The following MRPL36 variants were observed in gnomAD, a reference collection of about 807,000 sequenced individuals.
The protein encoded by MRPL36 is mitochondrial ribosomal protein L36, also known as large ribosomal subunit protein bL36m.
A neutral mutation model predicts 2.8 loss-of-function variants in MRPL36; 1 was observed. The observed-to-expected ratio is 0.36, with a 90% confidence interval of 0.13 to 1.69. MRPL36 has a LOEUF of 1.69. Ranked by LOEUF, MRPL36 falls within the 40% of genes most tolerant of loss-of-function variation. The pLI is 0.35. For synonymous variants in MRPL36, 68 were observed against 54.8 expected (o/e 1.24, Z -1.06); for missense variants, 148 against 132.7 (o/e 1.12, Z -0.57).
chr5:1,801,153 G>A (rs567184298), upstream of MRPL36, among the ~76,000 whole-genome samples: 6 of 152,342 alleles, frequency 3.9e-5, no homozygotes, highest in East Asian at 1.2e-3. Flanking sequence ...CGGCGCAACG[G>A]GGCCGCTTAA....
rs200124250 is a variant in MRPL36 at position 1,798,899 on chromosome 5, G to C, written c.37C>G (p.Leu13Val). The C allele has an allele frequency of 5.8e-4, 929 of 1,605,368 alleles. 8 individuals carry two copies. In the South Asian group the frequency reaches 9.6e-3, roughly 17 times the overall value. ...NLFIRKMVNP[L>V]LYLSRHTVKP... ...ACCGTGTGACGACTGAGATAGAGCA[G>C]AGGGTTCACCATTTTCCTTATAAAA... Residue 13 changes from leucine (L) to valine (V), a missense_variant, in exon 2 of 2, where the codon CTG becomes GTG. By Grantham distance (32) the Leu-to-Val change is conservative. Coordinates refer to ENST00000505059, the MANE Select transcript of MRPL36 (RefSeq NM_032479.4).
At position 1,799,800 on chromosome 5, in the gene MRPL36, A is replaced by G. The variant is rs997189642; in HGVS notation, c.-21T>C. 1.3e-4 allele frequency: 20 copies of G among 151,436 alleles called. 1 individual carries two copies. The highest frequency in any genetic ancestry group is 2.8e-4 in the Non-Finnish European group (19 of 68,028). 9.4% of individuals were successfully genotyped at this position (151,436 alleles called of 1,614,324 possible). A position where few individuals can be genotyped will look rare whatever the true frequency, so the allele number is the denominator to read the frequency against. ...GAAGACGGCTCCCTTACCCGGCCGC[A>G]CGCTCTCACCCGGCGCCGACCCCTG... On this transcript the variant is annotated 5_prime_UTR_variant, in exon 1 of 2. Coordinates refer to ENST00000505059, the MANE Select transcript of MRPL36 (RefSeq NM_032479.4).
chr5:1,799,060 T>TGAG (rs1733940597), intron 1 of MRPL36, 113 bp from the exon 2 acceptor site: 1 of 805,404 alleles, frequency 1.2e-6, no homozygotes, highest in East Asian at 2.6e-5. Flanking sequence ...CCTCGGGGAC[T>TGAG]GAGGGTGTTC....
chr5:1,799,644 A>C (rs6895439), intron 1 of MRPL36, 148 bp downstream of exon 1: 13,088 of 151,152 alleles, frequency 0.087, 1,256 homozygotes, highest in African/African-American at 0.24. Flanking sequence ...TGGCCCTCTG[A>C]GACCGCCAGG....
chr5:1,798,391 G>T lies in MRPL36; in HGVS notation c.*233C>A. 2.2e-6 allele frequency: 1 copy of T among 450,950 alleles called. No individual in the cohort carries two copies. The allele number at this position is 450,950 out of a possible 1,614,324, so 27.9% of individuals were successfully genotyped here. ...GAGAATGAATGAACTAAGCTATTCGGAAGGTCTATTTTAATAGGAAAATGT... is the reference window on the plus strand; with the variant it reads ...GAGAATGAATGAACTAAGCTATTCGTAAGGTCTATTTTAATAGGAAAATGT... On this transcript the variant is annotated 3_prime_UTR_variant, in exon 2 of 2. Coordinates refer to ENST00000505059, the MANE Select transcript of MRPL36 (RefSeq NM_032479.4).
upstream of MRPL36, among the ~76,000 whole-genome samples, chr5:1,801,111 C>CTGCGGCTGCAACTGCA (rs1352794243): frequency 1.3e-5 from 2 of 152,252 alleles, no homozygotes; most frequent in Admixed American, 6.5e-5. Context: ...TAGCTCTAGC[C>CTGCGGCTGCAACTGCA]TGCGGCTGCA....
Position 1,798,578 on chromosome 5 carries a change from A to G in MRPL36, c.*46T>C, listed in dbSNP as rs776405047. The G allele has an allele frequency of 1.3e-6, 2 of 1,544,634 alleles. No homozygotes were observed. The highest frequency in any genetic ancestry group is 4.6e-5 in the East Asian group (2 of 43,926). On this transcript the variant is annotated 3_prime_UTR_variant, in exon 2 of 2. Coordinates refer to ENST00000505059, the MANE Select transcript of MRPL36 (RefSeq NM_032479.4). ...TTCCATAAGATACAACCATTCTCCCAAGTGATGCGATGACGAGTATGTGCG... is the reference window on the plus strand; with the variant it reads ...TTCCATAAGATACAACCATTCTCCCGAGTGATGCGATGACGAGTATGTGCG...
chr5:1,801,399 CA>C, upstream of MRPL36: 2 of 1,604,146 alleles, frequency 1.2e-6, no homozygotes, highest in Non-Finnish European at 1.7e-6. Flanking sequence ...TGCGCCGGGT[CA>C]AAGGCCAGCG....
upstream of MRPL36, chr5:1,801,333 C>T: frequency 6.5e-7 from 1 of 1,536,308 alleles, no homozygotes; most frequent in South Asian, 1.2e-5. Flanking sequence ...GAAATAAATA[C>T]CGGGTGTTTG....
rs375142567 is a variant in MRPL36, at chr5:1,798,977, G to A, written c.-12-30C>T. On this transcript the variant is annotated intron_variant, in intron 1 of 1. Transcript: ENST00000505059. ...GGGAGAGAGAAAAAAAGGAGTTATA[G>A]CTTCTCCTGCACTTCCACCTGCTCT... 2.0e-6 allele frequency: 3 copies of A among 1,495,878 alleles called. No homozygotes were observed. The African/African-American group carries it at 4.2e-5, about 21-fold the overall frequency. 92.7% of individuals were successfully genotyped at this position (1,495,878 alleles called of 1,614,324 possible).
At chr5:1,799,879 G>GGC (rs1327248076), upstream of MRPL36, 1 of 151,788 alleles carries the variant, frequency 6.6e-6, no homozygotes, top group Non-Finnish European at 1.5e-5. Context: ...TGGCGGCGGG[G>GGC]GGGGGGGTCA....
upstream of MRPL36, chr5:1,801,334 CG>C: frequency 2.6e-6 from 4 of 1,537,990 alleles, no homozygotes. Context: ...AAATAAATAC[CG>C]GGTGTTTGGC....
upstream of MRPL36, chr5:1,801,275 A>G (rs992617124): frequency 2.2e-5 from 27 of 1,244,146 alleles, no homozygotes; most frequent in Non-Finnish European, 2.5e-5. Context: ...ATCAGAGAGC[A>G]GCTCCGGCGC....
At chr5:1,801,263 G>C (rs995299984), upstream of MRPL36, 10 of 1,154,462 alleles carry the variant, frequency 8.7e-6, no homozygotes, top group African/African-American at 1.6e-5. Flanking sequence ...GTGACCACCT[G>C]AATCAGAGAG....
At chr5:1,800,243 T>C (rs941935677), upstream of MRPL36, among the ~76,000 whole-genome samples, 2 of 152,132 alleles carry the variant, frequency 1.3e-5, no homozygotes, top group Non-Finnish European at 2.9e-5. Context: ...TTCCCCAACA[T>C]TATGAAAAAC....
At chr5:1,799,247 T>TA (rs1490216932) in intron 1 of MRPL36, 2 of 267,528 alleles carry the variant, frequency 7.5e-6, no homozygotes, top group Non-Finnish European at 1.4e-5. Context: ...GGAGGGAGCT[T>TA]AAACTTAGGC....
intron 1 of MRPL36, chr5:1,799,481 G>A (rs904921380): frequency 6.6e-6 from 1 of 152,256 alleles, no homozygotes; most frequent in African/African-American, 2.4e-5. Flanking sequence ...TGGGCCTGCA[G>A]GGCCCGGAGG....
intron 1 of MRPL36, 190 bp downstream of exon 1, chr5:1,799,602 G>C (rs1489295945): frequency 6.8e-6 from 1 of 145,986 alleles, no homozygotes; most frequent in Non-Finnish European, 1.5e-5. Flanking sequence ...GCCAGGTCGG[G>C]CGCCCACGGT....
Position 1,798,864 on chromosome 5 carries a change from T to G in MRPL36, c.72A>C (p.Arg24=). 6.2e-7 allele frequency: 1 copy of G among 1,613,382 alleles called. No homozygotes were observed. The highest frequency in any genetic ancestry group is 8.5e-7 in the Non-Finnish European group (1 of 1,179,418). ...ATCCAAATAGAAATGTGGAGAGGGC[T>G]CGAGGCTTCACCGTGTGACGACTGA... ...LYLSRHTVKP[R]ALSTFLFGSI... Residue 24 remains arginine (R), a synonymous_variant, in exon 2 of 2, where the codon CGA becomes CGC. Transcript: ENST00000505059.
Sources: allele counts gnomAD v4.1 joint callset (sites outside exome capture counted in the v4.1 genomes callset), GRCh38; gene constraint gnomAD v4.1.1; transcripts MANE v1.5; gene names NCBI Gene and HGNC (gene_info 2026-07-23, HGNC 2026-07-21).